Variants in CCDC7 observed in about 807,000 individuals in gnomAD.
The protein encoded by CCDC7 is coiled-coil domain containing 7.
In CCDC7, 183 loss-of-function variants were observed where a neutral mutation model predicts 196.9. The observed-to-expected ratio is 0.93, with a 90% CI of 0.82 to 1.05. The LOEUF is 1.05. Among genes scored for constraint, CCDC7 ranks in the 50% least tolerant of loss-of-function variants. The pLI is 0.00. For missense variants in CCDC7, 1,540 were observed against 1,482.2 expected (o/e 1.04, Z -0.64); for synonymous variants, 525 against 484.6 (o/e 1.08, Z -1.10).
chr10:32,481,159 C>T (rs1362147791), intron 8 of CCDC7, among the ~76,000 whole-genome samples: 1 of 152,120 alleles, frequency 6.6e-6, no homozygotes, highest in African/African-American at 2.4e-5. Flanking sequence ...CACAGCTGCT[C>T]ATTTATTGGT....
At chr10:32,764,609 C>G (rs1322544070) in intron 28 of CCDC7, among the ~76,000 whole-genome samples, 1 of 151,754 alleles carries the variant, frequency 6.6e-6, no homozygotes, top group Non-Finnish European at 1.5e-5. Flanking sequence ...GGAAGGGATT[C>G]GAAGGCCTAG....
downstream of CCDC7, among the ~76,000 whole-genome samples, chr10:32,880,907 G>A (rs748751946): frequency 6.6e-6 from 1 of 152,080 alleles, no homozygotes; most frequent in Non-Finnish European, 1.5e-5. Flanking sequence ...GTCTGTTTTT[G>A]TACCAATACC....
intron 18 of CCDC7, among the ~76,000 whole-genome samples, chr10:32,603,241 T>A (rs999668842): frequency 6.6e-6 from 1 of 152,040 alleles, no homozygotes; most frequent in African/African-American, 2.4e-5. Context: ...TCACTTAACA[T>A]AATGACCTCC....
intron 18 of CCDC7, among the ~76,000 whole-genome samples, chr10:32,588,318 G>GT (rs1469529430): frequency 7.9e-5 from 12 of 152,320 alleles, no homozygotes; most frequent in Admixed American, 3.3e-4. Context: ...TGTTGTGGAA[G>GT]TTTTCTTCTA....
intron 18 of CCDC7, among the ~76,000 whole-genome samples, chr10:32,624,500 G>A (rs2063757837): frequency 1.3e-5 from 2 of 152,054 alleles, no homozygotes; most frequent in South Asian, 2.1e-4. Context: ...TTTAGGTAAG[G>A]GTATTCTCAG....
intron 8 of CCDC7, among the ~76,000 whole-genome samples, chr10:32,484,590 T>C (rs1209865736): frequency 2.6e-5 from 4 of 152,328 alleles, no homozygotes; most frequent in African/African-American, 7.2e-5. Flanking sequence ...TCAAAGGGAA[T>C]GCTTCCAGTT....
chr10:32,847,362 G>A (rs1456085640), intron 37 of CCDC7, among the ~76,000 whole-genome samples: 2 of 152,128 alleles, frequency 1.3e-5, no homozygotes, highest in African/African-American at 4.8e-5. Flanking sequence ...CAAGGAAAAG[G>A]GCATGCCACA....
rs1048703228 is a variant in CCDC7, at chr10:32,456,349, T to C, written c.456+15T>C. On this transcript the variant is annotated intron_variant, in intron 3 of 41. Transcript: ENST00000639629. ...AAGAACAAAATGTATGTATTCTGTA[T>C]ATACTGTCAAGTATAAAATATCAAA... 17 of 1,481,812 alleles carry C rather than the reference T, an allele frequency of 1.1e-5. No individual in the cohort carries two copies. The highest frequency in any genetic ancestry group is 1.5e-5 in the Non-Finnish European group (16 of 1,099,280). The allele number at this position is 1,481,812 out of a possible 1,614,324, so 91.8% of individuals were successfully genotyped here. A position where few individuals can be genotyped will look rare whatever the true frequency, so the allele number is the denominator to read the frequency against.
intron 9 of CCDC7, among the ~76,000 whole-genome samples, chr10:32,492,838 T>C (rs1421776910): frequency 6.6e-6 from 1 of 152,186 alleles, no homozygotes; most frequent in Non-Finnish European, 1.5e-5. Flanking sequence ...TTTTATGTTA[T>C]ATGTATTTTT....
intron 28 of CCDC7, among the ~76,000 whole-genome samples, chr10:32,761,375 A>C (rs2077445837): frequency 6.6e-6 from 1 of 152,006 alleles, no homozygotes; most frequent in African/African-American, 2.4e-5. Flanking sequence ...TAGGACACAA[A>C]ATATCACCAC....
intron 13 of CCDC7, among the ~76,000 whole-genome samples, chr10:32,550,664 T>A (rs797016049): frequency 5.3e-5 from 8 of 152,276 alleles, no homozygotes; most frequent in African/African-American, 1.9e-4. Flanking sequence ...ATTGTGTGAT[T>A]TTTGTTTTTA....
chr10:32,798,476 C>T (rs1266967424), intron 29 of CCDC7, among the ~76,000 whole-genome samples: 1 of 152,258 alleles, frequency 6.6e-6, no homozygotes, highest in African/African-American at 2.4e-5. Context: ...ATCCTCTCCA[C>T]TTGATTATTA....
intron 20 of CCDC7, among the ~76,000 whole-genome samples, chr10:32,640,704 G>T (rs1177354242): frequency 6.6e-6 from 1 of 151,988 alleles, no homozygotes; most frequent in Non-Finnish European, 1.5e-5. Context: ...GGCAGGCCTG[G>T]TGGTGACAAA....
chr10:32,821,820 G>A (rs928745373), intron 31 of CCDC7, among the ~76,000 whole-genome samples: 13 of 152,046 alleles, frequency 8.6e-5, no homozygotes, highest in Admixed American at 1.3e-4. Flanking sequence ...GTGGGGTGGG[G>A]GTAGGGGGAG....
chr10:32,465,396 C>G (rs1283977519), intron 5 of CCDC7, among the ~76,000 whole-genome samples: 2 of 151,890 alleles, frequency 1.3e-5, no homozygotes, highest in Non-Finnish European at 2.9e-5. Flanking sequence ...AAAACATTCT[C>G]TCCATATGGT....
At chr10:32,636,109 C>A (rs2065589733) in intron 20 of CCDC7, among the ~76,000 whole-genome samples, 1 of 152,174 alleles carries the variant, frequency 6.6e-6, no homozygotes, top group Non-Finnish European at 1.5e-5. Context: ...TAGTTTATTA[C>A]CACAAAGTGT....
rs562469611 is a variant in CCDC7 at position 32,801,687 on chromosome 10, G to T, written c.3014-3328G>T. ...AATTATAGGTCTAGAAGCAAACAGG[G>T]GTGTTGGGAGTGGGTCCTGAGGAAA... On this transcript the variant is annotated intron_variant, in intron 29 of 41. Transcript: ENST00000639629. Among the ~76,000 whole-genome samples the T allele has an allele frequency of 2.0e-5, 3 of 152,286 alleles. No homozygotes were observed. In the South Asian group the frequency reaches 6.2e-4, roughly 32 times the overall value.
chr10:32,693,418 A>G (rs1014397205), intron 23 of CCDC7, among the ~76,000 whole-genome samples: 3 of 150,972 alleles, frequency 2.0e-5, no homozygotes, highest in African/African-American at 7.3e-5. Flanking sequence ...TCATTTCTTC[A>G]TCTTCCTTCC....
chr10:32,719,222 G>A (rs537273155), intron 25 of CCDC7, among the ~76,000 whole-genome samples: 13 of 152,022 alleles, frequency 8.6e-5, no homozygotes, highest in South Asian at 2.1e-4. Flanking sequence ...ATAATGTTAC[G>A]CATGTAGAAC....
Sources: gnomAD v4.1 joint callset for allele counts (sites outside exome capture counted in the v4.1 genomes callset) on GRCh38, gnomAD v4.1.1 for gene constraint, MANE v1.5 for transcripts, NCBI Gene and HGNC (gene_info 2026-07-23, HGNC 2026-07-21) for gene names.